The following CSMD1 variants were observed in gnomAD, a reference collection of about 807,000 sequenced individuals.
CSMD1 encodes the protein CUB and sushi domain-containing protein 1.
In CSMD1, 213 loss-of-function variants were observed where a neutral mutation model predicts 417.5. The ratio of observed to expected loss-of-function variants is 0.51; its 90% confidence interval spans 0.46 to 0.57. The LOEUF is 0.57. CSMD1 is among the 20% of genes least tolerant of loss of function. The probability of loss-of-function intolerance (pLI) is 0.00; values close to 1 mark genes in which losing one functional copy is unlikely to be tolerated. For synonymous variants in CSMD1, 2,862 were observed against 1,736.8 expected, an observed-to-expected ratio of 1.65 and a Z score of -16.11; for missense variants, 6,923 against 4,529.7, an observed-to-expected ratio of 1.53 and a Z score of -15.17.
chr8:4,626,657 G>T (rs1802137198), intron 2 of CSMD1, among the ~76,000 whole-genome samples: 1 of 152,064 alleles, frequency 6.6e-6, no homozygotes, highest in African/African-American at 2.4e-5. Context: ...TGATTCTGAG[G>T]AAGAGCTCTG....
At chr8:4,744,523 G>C (rs1810825714) in intron 1 of CSMD1, among the ~76,000 whole-genome samples, 1 of 152,090 alleles carries the variant, frequency 6.6e-6, no homozygotes, top group South Asian at 2.1e-4. Flanking sequence ...AATGGTATAT[G>C]AATTACCTGT....
intron 6 of CSMD1, among the ~76,000 whole-genome samples, chr8:3,712,612 T>C (rs1441585043): frequency 6.6e-6 from 1 of 152,210 alleles, no homozygotes; most frequent in Non-Finnish European, 1.5e-5. Flanking sequence ...AAACATAGCT[T>C]TTGTGTCTAA....
At chr8:4,369,318 T>C (rs1184143514) in intron 3 of CSMD1, among the ~76,000 whole-genome samples, 1 of 152,182 alleles carries the variant, frequency 6.6e-6, no homozygotes, top group African/African-American at 2.4e-5. Context: ...TTGTTATGAA[T>C]TGAATTTTTT....
chr8:4,809,067 C>T (rs910452695), intron 1 of CSMD1, among the ~76,000 whole-genome samples: 3 of 152,180 alleles, frequency 2.0e-5, no homozygotes, highest in African/African-American at 7.2e-5. Flanking sequence ...AGCTTCACTG[C>T]CTCTGGCTGC....
At chr8:3,584,949 T>C (rs1046532205) in intron 9 of CSMD1, among the ~76,000 whole-genome samples, 4 of 152,260 alleles carry the variant, frequency 2.6e-5, no homozygotes, top group Non-Finnish European at 4.4e-5. Flanking sequence ...ACAATCAAAG[T>C]TGTCTAGTGA....
chr8:4,869,826 T>G (rs1021101155), intron 1 of CSMD1, among the ~76,000 whole-genome samples: 1 of 152,088 alleles, frequency 6.6e-6, no homozygotes, highest in Non-Finnish European at 1.5e-5. Context: ...TGGCTGGTCT[T>G]TAATTTATCA....
At chr8:4,754,577 C>A (rs905433102) in intron 1 of CSMD1, among the ~76,000 whole-genome samples, 2 of 151,184 alleles carry the variant, frequency 1.3e-5, no homozygotes, top group East Asian at 1.9e-4. Context: ...TAGGGCCAGG[C>A]GCAGTGGCTC....
intron 5 of CSMD1, among the ~76,000 whole-genome samples, chr8:3,900,967 C>A (rs1584935413): frequency 6.6e-6 from 1 of 152,162 alleles, no homozygotes; most frequent in East Asian, 1.9e-4. Context: ...CAGAACAGAG[C>A]CTGAAACTTT....
intron 7 of CSMD1, among the ~76,000 whole-genome samples, chr8:3,705,240 C>T (rs886070910): frequency 5.9e-5 from 9 of 152,180 alleles, no homozygotes; most frequent in African/African-American, 2.2e-4. Context: ...GTGCTGAAAT[C>T]CAGAGGGACA....
rs117306906 is a variant in CSMD1 at position 3,930,688 on chromosome 8, G to A, written c.818+67215C>T. ...TGTCATGGCAAAACTGCTGGCAAGT[G>A]TACCCTTTCTGCAGAAAGGAAAAAA... On this transcript the variant is annotated intron_variant, in intron 5 of 69. Coordinates refer to ENST00000635120, the MANE Select transcript of CSMD1 (RefSeq NM_033225.6). Among the ~76,000 whole-genome samples the A allele has an allele frequency of 6.0e-3, 905 of 150,306 alleles. 54 individuals carry two copies. Among genetic ancestry groups the A allele is most frequent in the Non-Finnish European group, 0.01 (676 of 67,484 alleles).
chr8:3,396,130 C>A, intron 17 of CSMD1, 64 bp downstream of exon 17: 1 of 1,409,858 alleles, frequency 7.1e-7, no homozygotes, highest in South Asian at 1.3e-5. Context: ...GAAATAAGAA[C>A]CCAGATCTTT....
intron 10 of CSMD1, among the ~76,000 whole-genome samples, chr8:3,541,258 C>T (rs1383958568): frequency 6.6e-6 from 1 of 152,062 alleles, no homozygotes; most frequent in Non-Finnish European, 1.5e-5. Flanking sequence ...AAGCCATTAC[C>T]CTCAAAGTAA....
intron 15 of CSMD1, among the ~76,000 whole-genome samples, chr8:3,399,858 C>T (rs1811933007): frequency 6.6e-6 from 1 of 152,196 alleles, no homozygotes; most frequent in Admixed American, 6.5e-5. Flanking sequence ...AGTTTACATG[C>T]ATTTGGAATT....
chr8:3,129,207 G>C (rs1817664762), intron 41 of CSMD1, among the ~76,000 whole-genome samples: 1 of 152,150 alleles, frequency 6.6e-6, no homozygotes, highest in African/African-American at 2.4e-5. Context: ...AGGAGAAAAA[G>C]GGAAAGGGGA....
At chr8:4,051,072 G>A (rs757434727) in intron 3 of CSMD1, among the ~76,000 whole-genome samples, 7 of 152,020 alleles carry the variant, frequency 4.6e-5, no homozygotes, top group Non-Finnish European at 4.4e-5. Flanking sequence ...GTTTTGAAGC[G>A]CACTGCCCTG....
chr8:3,507,210 G>C (rs543306998), intron 10 of CSMD1, among the ~76,000 whole-genome samples: 4 of 152,128 alleles, frequency 2.6e-5, no homozygotes, highest in South Asian at 2.1e-4. Flanking sequence ...AATCTATTTT[G>C]TAACATTAGG....
At chr8:4,039,083 A>G (rs996129500) in intron 3 of CSMD1, among the ~76,000 whole-genome samples, 1 of 152,180 alleles carries the variant, frequency 6.6e-6, no homozygotes, top group African/African-American at 2.4e-5. Flanking sequence ...TCATTACTAC[A>G]TGGGACAAGG....
In CSMD1 at chr8:3,681,518, C is replaced by T. The variant is rs1236339399; in HGVS notation, c.1009+26896G>A. Among the ~76,000 whole-genome samples, 7 of 152,194 alleles carry T rather than the reference C, an allele frequency of 4.6e-5. No homozygotes were observed. The East Asian group carries it at 9.6e-4, about 21-fold the overall frequency. On this transcript the variant is annotated intron_variant, in intron 7 of 69. Transcript: ENST00000635120. ...GACCTCTTCAAGGAGAATTACAAAC[C>T]ACTGCTCAATGAAATAAAAGAGGAT...
At chr8:4,502,613 C>G (rs531864259) in intron 2 of CSMD1, among the ~76,000 whole-genome samples, 1 of 152,248 alleles carries the variant, frequency 6.6e-6, no homozygotes, top group South Asian at 2.1e-4. Context: ...AAAAAGGACT[C>G]TATATATCCT....
Sources: allele counts gnomAD v4.1 joint callset (sites outside exome capture counted in the v4.1 genomes callset), GRCh38; gene constraint gnomAD v4.1.1; transcripts MANE v1.5; gene names NCBI Gene and HGNC (gene_info 2026-07-23, HGNC 2026-07-21).